The following VAC14 variants were observed in gnomAD, a reference collection of about 807,000 sequenced individuals.
VAC14 encodes VAC14 component of PIKFYVE complex.
In VAC14, 47 loss-of-function variants were observed where a neutral mutation model predicts 85.3. The ratio of observed to expected loss-of-function variants is 0.55; its 90% CI spans 0.44 to 0.70. VAC14 has a LOEUF of 0.70. VAC14 is among the 30% of genes least tolerant of loss of function. VAC14 has a pLI of 0.00. For synonymous variants in VAC14, 447 were observed against 430.5 expected (o/e 1.04, Z -0.47); for missense variants, 861 against 1,004.3 (o/e 0.86, Z 1.93).
At chr16:70,739,314 G>C (rs947922552) in intron 13 of VAC14, among the ~76,000 whole-genome samples, 2 of 152,216 alleles carry the variant, frequency 1.3e-5, no homozygotes, top group Non-Finnish European at 2.9e-5. Context: ...GGGAGGAAGG[G>C]GCTTCAAGAG....
At chr16:70,689,573 G>C (rs2053561051) in intron 18 of VAC14, 1 of 985,576 alleles carries the variant, frequency 1.0e-6, no homozygotes, top group African/African-American at 1.7e-5. Flanking sequence ...CCCCTGCTCA[G>C]CTCTGCCTGC....
At chr16:70,711,220 T>A (rs2054027038) in intron 14 of VAC14, among the ~76,000 whole-genome samples, 1 of 152,176 alleles carries the variant, frequency 6.6e-6, no homozygotes, top group Non-Finnish European at 1.5e-5. Flanking sequence ...ATCTGTACTC[T>A]CAACAAGCTT....
chr16:70,762,112 G>C lies in VAC14; in HGVS notation c.1371+428C>G, dbSNP rs111370707. 6.7e-6 allele frequency among the ~76,000 whole-genome samples: 1 copy of C among 148,858 alleles called. No homozygotes were observed. The highest frequency in any genetic ancestry group is 1.5e-5 in the Non-Finnish European group (1 of 67,386). On this transcript the variant is annotated intron_variant, in intron 12 of 18. Coordinates refer to ENST00000261776, the MANE Select transcript of VAC14 (RefSeq NM_018052.5). The surrounding 1 kb of genome is among the most constrained non-coding windows in gnomAD (Gnocchi z 4.1). ...ACTCCTAAAGTGAGTTTTTTTTTTT[G>C]TTTTTGTTTTTTTGAGACAGGGTCT...
intron 8 of VAC14, among the ~76,000 whole-genome samples, chr16:70,781,369 G>A (rs1228348005): frequency 1.3e-5 from 2 of 152,124 alleles, no homozygotes; most frequent in African/African-American, 2.4e-5. Flanking sequence ...TTATAGCAAC[G>A]CAAAATGGGT....
intron 1 of VAC14, among the ~76,000 whole-genome samples, chr16:70,792,802 G>A (rs1348918315): frequency 6.6e-6 from 1 of 152,182 alleles, no homozygotes; most frequent in Non-Finnish European, 1.5e-5. Context: ...GCAAGAGACT[G>A]TCACAGGTCA....
chr16:70,718,423 T>C (rs11641091), intron 14 of VAC14, among the ~76,000 whole-genome samples: 72,484 of 151,638 alleles, frequency 0.48, 18,801 homozygotes, highest in Non-Finnish European at 0.58. Flanking sequence ...ATACAAAAAA[T>C]TAGCCGGGTG....
At chr16:70,721,010 T>C (rs373313396) in intron 14 of VAC14, among the ~76,000 whole-genome samples, 5 of 152,312 alleles carry the variant, frequency 3.3e-5, no homozygotes, top group South Asian at 4.1e-4. Flanking sequence ...CCAAAGTGGA[T>C]GATGCGAGCC....
chr16:70,768,219 T>C (rs1311069457), intron 10 of VAC14: 1 of 152,572 alleles, frequency 6.6e-6, no homozygotes, highest in Non-Finnish European at 1.5e-5. Context: ...TGAAGCCCCA[T>C]ATCCCTTTGA....
chr16:70,716,232 C>T (rs2142997417), intron 14 of VAC14: 1 of 152,340 alleles, frequency 6.6e-6, no homozygotes, highest in Non-Finnish European at 1.5e-5. Flanking sequence ...GGGCCCCTCC[C>T]ATGAGGCTGC....
At chr16:70,737,509 C>A (rs1448662559) in intron 13 of VAC14, among the ~76,000 whole-genome samples, 1 of 152,160 alleles carries the variant, frequency 6.6e-6, no homozygotes, top group African/African-American at 2.4e-5. Context: ...AGAGTGCCAT[C>A]CCTCAGCTGA....
At chr16:70,758,425 T>C (rs17841356) in intron 12 of VAC14, among the ~76,000 whole-genome samples, 2,876 of 152,272 alleles carry the variant, frequency 0.019, 91 homozygotes, top group African/African-American at 0.064. Context: ...CTGTCTGGGA[T>C]GTTCACGTTC....
intron 1 of VAC14, among the ~76,000 whole-genome samples, chr16:70,788,231 G>A (rs2034160223): frequency 6.6e-6 from 1 of 152,238 alleles, no homozygotes. Flanking sequence ...GTGAGACAGT[G>A]AGCACTCCGG....
chr16:70,725,945 G>A (rs906159877), intron 14 of VAC14, among the ~76,000 whole-genome samples: 3 of 152,346 alleles, frequency 2.0e-5, no homozygotes, highest in Admixed American at 2.0e-4. Flanking sequence ...TCTGCAAGGC[G>A]GCAGGGAGGA....
chr16:70,736,359 T>G (rs2054752942), intron 13 of VAC14, among the ~76,000 whole-genome samples: 1 of 152,224 alleles, frequency 6.6e-6, no homozygotes, highest in South Asian at 2.1e-4. Flanking sequence ...GTTCTCATTC[T>G]GAGTCTCAGA....
intron 10 of VAC14, chr16:70,768,818 T>G (rs1210353065): frequency 4.4e-6 from 2 of 453,946 alleles, no homozygotes; most frequent in South Asian, 3.1e-5. Flanking sequence ...TTGGTGTGTG[T>G]GTGACAGAGT....
At chr16:70,786,148 C>A in intron 2 of VAC14, 67 bp downstream of exon 2, 1 of 1,575,234 alleles carries the variant, frequency 6.3e-7, no homozygotes, top group Non-Finnish European at 8.6e-7. Flanking sequence ...ACAGGGAAGG[C>A]ATCGGGATGG....
Position 70,784,772 on chromosome 16 carries a change from A to G in VAC14, c.486+4T>C. 1.9e-6 allele frequency: 3 copies of G among 1,614,048 alleles called. No homozygotes were observed. Among genetic ancestry groups the G allele is most frequent in the Non-Finnish European group, 2.5e-6 (3 of 1,179,926 alleles). On this transcript the variant is annotated splice_donor_region_variant and intron_variant, in intron 4 of 18. Transcript: ENST00000261776. Reference sequence around the variant, plus strand: ...AAATAAAAGTGGGGACAAAGTACAAATACCTTTAAAAGGCGGTCTAGGAGC... The same window carrying G: ...AAATAAAAGTGGGGACAAAGTACAAGTACCTTTAAAAGGCGGTCTAGGAGC...
At chr16:70,755,510 T>C (rs2031765276) in intron 12 of VAC14, among the ~76,000 whole-genome samples, 1 of 151,706 alleles carries the variant, frequency 6.6e-6, no homozygotes, top group African/African-American at 2.4e-5. Flanking sequence ...CTGTCAATTC[T>C]GGCTGACAGT....
chr16:70,720,650 A>G (rs985281221), intron 14 of VAC14, among the ~76,000 whole-genome samples: 5 of 152,200 alleles, frequency 3.3e-5, no homozygotes, highest in Non-Finnish European at 5.9e-5. Flanking sequence ...TGGGGGCAGA[A>G]GGGCCCATCT....
Sources: allele counts gnomAD v4.1 joint callset (sites outside exome capture counted in the v4.1 genomes callset), GRCh38; gene constraint gnomAD v4.1.1; non-coding constraint Gnocchi (gnomAD v3.1); transcripts MANE v1.5; gene names NCBI Gene and HGNC (gene_info 2026-07-23, HGNC 2026-07-21).